The following SGSM3 variants were observed in gnomAD, a reference collection of about 807,000 sequenced individuals.
SGSM3 encodes small G protein signaling modulator 3.
A neutral mutation model predicts 100.5 loss-of-function variants in SGSM3; 96 were observed. The ratio of observed to expected loss-of-function variants is 0.96; its 90% CI spans 0.81 to 1.13. The LOEUF (loss-of-function observed/expected upper bound fraction) is 1.13. Ranked by LOEUF, SGSM3 falls within the 50% of genes most tolerant of loss-of-function variation. SGSM3 has a pLI of 0.00. For synonymous variants in SGSM3, 483 were observed against 422.8 expected (o/e 1.14, Z -1.75); for missense variants, 1,001 against 1,015.8 (o/e 0.99, Z 0.20).
chr22:40,399,543 G>A (rs148033550), intron 1 of SGSM3, among the ~76,000 whole-genome samples: 1 of 152,158 alleles, frequency 6.6e-6, no homozygotes, highest in Non-Finnish European at 1.5e-5. Flanking sequence ...GTCTCTCCTA[G>A]GCTTATTTTC....
chr22:40,389,343 T>TG (rs1273218872), intron 1 of SGSM3, among the ~76,000 whole-genome samples: 1 of 152,090 alleles, frequency 6.6e-6, no homozygotes, highest in Non-Finnish European at 1.5e-5. Flanking sequence ...CTCACGCCTG[T>TG]AATCCCAGCG....
Position 40,400,709 on chromosome 22 carries a change from G to A in SGSM3, c.-98G>A. 1 of 1,180,154 alleles carries A rather than the reference G, an allele frequency of 8.5e-7. No individual in the cohort carries two copies. The highest frequency in any genetic ancestry group is 2.0e-5 in the Admixed American group (1 of 48,864). The allele number at this position is 1,180,154 out of a possible 1,614,324, so 73.1% of individuals were successfully genotyped here. A position where few individuals can be genotyped will look rare whatever the true frequency, so the allele number is the denominator to read the frequency against. On this transcript the variant is annotated 5_prime_UTR_variant, in exon 2 of 22. Transcript: ENST00000248929. ...CTCTTCTAACAGGGCAGATGATTCTGGACCAGATGAAGCCTGAGGAGCCTT... is the reference window on the plus strand; with the variant it reads ...CTCTTCTAACAGGGCAGATGATTCTAGACCAGATGAAGCCTGAGGAGCCTT...
At chr22:40,394,698 T>C (rs191298435) in intron 1 of SGSM3, among the ~76,000 whole-genome samples, 180 of 150,374 alleles carry the variant, frequency 1.2e-3, no homozygotes, top group African/African-American at 4.0e-3. Flanking sequence ...AGAAGGGCCA[T>C]CTGTCAGCTA....
In SGSM3 at chr22:40,409,491, T is replaced by G; in HGVS notation, c.2138T>G (p.Leu713Arg). The change falls in exon 21 of 22, where the codon CTC becomes CGC. Residue 713 changes from leucine (L) to arginine (R), a missense_variant. By Grantham distance (102) the Leu-to-Arg change is moderately radical (BLOSUM62 -2). Coordinates refer to ENST00000248929, the MANE Select transcript of SGSM3 (RefSeq NM_015705.6). Reference protein sequence around the residue: ...LRVLCCFAFSLSQDWELPAKR... With the variant: ...LRVLCCFAFSRSQDWELPAKR... ...GTCCTCTGCTGCTTTGCCTTCAGCCTCTCCCAGGACTGGGAGCTCCCTGCG... is the reference window on the plus strand; with the variant it reads ...GTCCTCTGCTGCTTTGCCTTCAGCCGCTCCCAGGACTGGGAGCTCCCTGCG... 6.3e-7 allele frequency: 1 copy of G among 1,586,792 alleles called. No individual in the cohort carries two copies. Among genetic ancestry groups the G allele is most frequent in the African/African-American group, 1.4e-5 (1 of 73,516 alleles).
Position 40,407,109 on chromosome 22 carries a change from G to C in SGSM3, c.1240+38G>C. 1 of 1,607,346 alleles carries C rather than the reference G, an allele frequency of 6.2e-7. No individual in the cohort carries two copies. Among genetic ancestry groups the C allele is most frequent in the Non-Finnish European group, 8.5e-7 (1 of 1,177,128 alleles). ...CGAGTGCCAGGCAGTGTGGGCATGCGGGAGTCTGTCCTCACGCTCATGTGG... is the reference window on the plus strand; with the variant it reads ...CGAGTGCCAGGCAGTGTGGGCATGCCGGAGTCTGTCCTCACGCTCATGTGG... On this transcript the variant is annotated intron_variant, in intron 11 of 21. Coordinates refer to ENST00000248929, the MANE Select transcript of SGSM3 (RefSeq NM_015705.6). The surrounding 1 kb of genome is among the most constrained non-coding windows in gnomAD (Gnocchi z 4.7).
chr22:40,398,886 C>T lies in SGSM3; in HGVS notation c.-111-1810C>T, dbSNP rs1022511406. The stretch of plus-strand genomic sequence containing the variant: ...TTATTCCATTCTATCGAAAAGAAAA[C>T]TGATACAGACGTGAAGTAAACTTGC... On this transcript the variant is annotated intron_variant, in intron 1 of 21. Transcript: ENST00000248929. Among the ~76,000 whole-genome samples the T allele has an allele frequency of 1.4e-4, 19 of 140,504 alleles. 1 individual carries two copies. The highest frequency in any genetic ancestry group is 4.7e-4 in the African/African-American group (18 of 38,168). The allele number at this position is 140,504 out of a possible 152,430, so 92.2% of individuals were successfully genotyped here.
At chr22:40,402,411 T>C (rs1374002776) in intron 4 of SGSM3, among the ~76,000 whole-genome samples, 1 of 152,214 alleles carries the variant, frequency 6.6e-6, no homozygotes, top group Non-Finnish European at 1.5e-5. Flanking sequence ...GATCCTCACC[T>C]GACAGTAAAA....
chr22:40,387,953 T>C (rs2048738431), intron 1 of SGSM3, among the ~76,000 whole-genome samples: 1 of 152,114 alleles, frequency 6.6e-6, no homozygotes, highest in South Asian at 2.1e-4. Flanking sequence ...AATTCTAGGG[T>C]GAGGTTCCTG....
chr22:40,396,251 C>T (rs987243279), intron 1 of SGSM3, among the ~76,000 whole-genome samples: 5 of 152,090 alleles, frequency 3.3e-5, no homozygotes, highest in Non-Finnish European at 7.4e-5. Flanking sequence ...TCTTCCCCTC[C>T]TCACAGAGGA....
Position 40,404,571 on chromosome 22 carries a change from C to T in SGSM3, c.381C>T (p.Leu127=), listed in dbSNP as rs767418449. 2 of 1,613,780 alleles carry T rather than the reference C, an allele frequency of 1.2e-6. No individual in the cohort carries two copies. Among genetic ancestry groups the T allele is most frequent in the Non-Finnish European group, 1.7e-6 (2 of 1,179,876 alleles). ...CCTTCCCTCAGCTGTGGATGCGGCT[C>T]TCTGGGGCCCTGCAGAAGAAGAGGA... ...HGMRPQLWMR[L]SGALQKKRNS... is the part of the protein sequence containing the mutation. Residue 127 remains leucine, a synonymous_variant, in exon 6 of 22, where the codon CTC becomes CTT. Coordinates refer to ENST00000248929, the MANE Select transcript of SGSM3 (RefSeq NM_015705.6).
chr22:40,402,112 C>G, intron 3 of SGSM3, 27 bp from the exon 4 acceptor site: 1 of 1,595,204 alleles, frequency 6.3e-7, no homozygotes. Context: ...GGACAGGCAA[C>G]TGACTTCAAC....
At chr22:40,403,022 T>G (rs2050959405) in intron 4 of SGSM3, among the ~76,000 whole-genome samples, 2 of 152,198 alleles carry the variant, frequency 1.3e-5, no homozygotes, top group Non-Finnish European at 2.9e-5. Flanking sequence ...TAGGCAGGTA[T>G]TTGCAGGTTA....
At chr22:40,388,902 G>A (rs1023897613) in intron 1 of SGSM3, among the ~76,000 whole-genome samples, 1 of 152,142 alleles carries the variant, frequency 6.6e-6, no homozygotes, top group African/African-American at 2.4e-5. Context: ...TGAAGGGGAG[G>A]ACCAGGTTCA....
chr22:40,399,660 T>C (rs2050476573), intron 1 of SGSM3, among the ~76,000 whole-genome samples: 1 of 152,264 alleles, frequency 6.6e-6, no homozygotes. Flanking sequence ...ATCATCCAGC[T>C]CATAGTTCTG....
chr22:40,407,405 T>C lies in SGSM3; in HGVS notation c.1369-8T>C. On this transcript the variant is annotated splice_region_variant and splice_polypyrimidine_tract_variant and intron_variant, in intron 12 of 21. Transcript: ENST00000248929. This position sits in a 1 kb window ranked among gnomAD's most constrained non-coding sequence, Gnocchi z 4.7. Reference sequence around the variant, plus strand: ...ACCCCCTTGGTGGGCCTGTGTTCACTGTGGCAGGAGCTGACTCCAGACTAT... The same window carrying C: ...ACCCCCTTGGTGGGCCTGTGTTCACCGTGGCAGGAGCTGACTCCAGACTAT... 1 of 1,611,526 alleles carries C rather than the reference T, an allele frequency of 6.2e-7. No homozygotes were observed. Among genetic ancestry groups the C allele is most frequent in the South Asian group, 1.1e-5 (1 of 91,052 alleles).
chr22:40,406,626 G>A lies in SGSM3; in HGVS notation c.1149G>A (p.Gln383=), dbSNP rs765781361. 1.6e-5 allele frequency: 26 copies of A among 1,608,304 alleles called. No individual in the cohort carries two copies. The South Asian group carries it at 2.9e-4, about 18-fold the overall frequency. The change falls in exon 10 of 22, where the codon CAG becomes CAA. Residue 383 remains glutamine, a synonymous_variant. Transcript: ENST00000248929. The part of the protein sequence containing the change: ...HLAYLIADQG[Q]LLGAGTLTNL... Reference sequence around the variant, plus strand: ...CCTATCTCATTGCAGACCAGGGCCAGCTCCTGGGGGCCGGCACCCTCACCA... The same window carrying A: ...CCTATCTCATTGCAGACCAGGGCCAACTCCTGGGGGCCGGCACCCTCACCA...
In SGSM3 at chr22:40,406,128, G is replaced by C. The variant is rs1261824170; in HGVS notation, c.865G>C (p.Val289Leu). Residue 289 changes from valine to leucine, a missense_variant, in exon 9 of 22, where the codon GTG becomes CTG. Transcript: ENST00000248929. Reference sequence around the variant, plus strand: ...GTTCCTCACGGCCTTCGCCAGCGTGGTGGACATCAAGCTGCTCCTGCGCAT... The same window carrying C: ...GTTCCTCACGGCCTTCGCCAGCGTGCTGGACATCAAGCTGCTCCTGCGCAT... ...HWFLTAFASV[V>L]DIKLLLRIWD... 1.5e-5 allele frequency: 25 copies of C among 1,614,010 alleles called. No individual in the cohort carries two copies. Among genetic ancestry groups the C allele is most frequent in the Non-Finnish European group, 2.0e-5 (24 of 1,180,036 alleles).
Position 40,370,630 on chromosome 22 carries a change from T to G in SGSM3, c.-170T>G, listed in dbSNP as rs1235148348. On this transcript the variant is annotated 5_prime_UTR_variant, in exon 1 of 22. Transcript: ENST00000248929. Reference sequence around the variant, plus strand: ...TAGGCGCCGCTGAGCGCTGACTGGGTGCGAGTGGGGAAGCTGCTAACCCGA... The same window carrying G: ...TAGGCGCCGCTGAGCGCTGACTGGGGGCGAGTGGGGAAGCTGCTAACCCGA... The G allele has an allele frequency of 6.6e-6, 1 of 152,450 alleles. No individual in the cohort carries two copies. The highest frequency in any genetic ancestry group is 1.5e-5 in the Non-Finnish European group (1 of 68,238). The allele number at this position is 152,450 out of a possible 1,614,324, so 9.4% of individuals were successfully genotyped here. A position where few individuals can be genotyped will look rare whatever the true frequency, so the allele number is the denominator to read the frequency against.
At chr22:40,405,625 C>T (rs755988706) in intron 7 of SGSM3, 24 bp from the exon 8 acceptor site, 3 of 1,602,236 alleles carry the variant, frequency 1.9e-6, no homozygotes, top group Non-Finnish European at 2.6e-6. Context: ...GGGTAGAAGG[C>T]CCTTGTCCCT....
Sources: gnomAD v4.1 joint callset for allele counts (sites outside exome capture counted in the v4.1 genomes callset) on GRCh38, gnomAD v4.1.1 for gene constraint, Gnocchi (gnomAD v3.1) non-coding constraint, MANE v1.5 for transcripts, NCBI Gene and HGNC (gene_info 2026-07-23, HGNC 2026-07-21) for gene names.